TMEFF2: variants seen among roughly 807,000 people sequenced by gnomAD.
TMEFF2 encodes the protein tomoregulin-2.
TMEFF2 carries 28 observed loss-of-function variants against 53.8 expected under a neutral mutation model. That is an observed-to-expected ratio of 0.52 (90% confidence interval 0.39 to 0.71). TMEFF2 has a LOEUF of 0.71. Ranked by LOEUF, TMEFF2 falls within the 30% of genes least tolerant of loss-of-function variation. The pLI is 0.00. For missense variants in TMEFF2, 353 were observed against 455.2 expected (o/e 0.78, Z 2.04); for synonymous variants, 162 against 166.3 (o/e 0.97, Z 0.20).
intron 2 of TMEFF2, among the ~76,000 whole-genome samples, chr2:192,184,810 C>T (rs1387031151): frequency 2.6e-5 from 4 of 151,850 alleles, no homozygotes; most frequent in Non-Finnish European, 4.4e-5. Context: ...TAGTATGTAG[C>T]CCATATGACT....
intron 5 of TMEFF2, among the ~76,000 whole-genome samples, chr2:192,056,523 A>C (rs1193252135): frequency 1.3e-5 from 2 of 152,198 alleles, no homozygotes; most frequent in East Asian, 3.8e-4. Flanking sequence ...TCACTTTTCA[A>C]TGTGCTTAAG....
At chr2:192,006,502 G>T (rs1686505389) in intron 5 of TMEFF2, among the ~76,000 whole-genome samples, 1 of 152,162 alleles carries the variant, frequency 6.6e-6, no homozygotes, top group African/African-American at 2.4e-5. Context: ...GTGACTACAG[G>T]TTGGAACTTG....
intron 4 of TMEFF2, among the ~76,000 whole-genome samples, chr2:192,099,866 G>A (rs1283286140): frequency 1.0e-4 from 3 of 28,838 alleles, no homozygotes; most frequent in African/African-American, 2.4e-4. Flanking sequence ...AAATAGATCA[G>A]TGGAAAAAAT....
chr2:192,161,005 G>T (rs1342253280), intron 4 of TMEFF2, among the ~76,000 whole-genome samples: 1 of 151,986 alleles, frequency 6.6e-6, no homozygotes, highest in African/African-American at 2.4e-5. Context: ...CCATTTTATT[G>T]CTAGAGAATT....
intron 4 of TMEFF2, among the ~76,000 whole-genome samples, chr2:192,139,107 C>G (rs1400293986): frequency 6.6e-6 from 1 of 152,076 alleles, no homozygotes; most frequent in Non-Finnish European, 1.5e-5. Flanking sequence ...AAGGGAAGAA[C>G]ATATAACCAA....
At position 191,950,381 on chromosome 2, in the gene TMEFF2, T is replaced by C. The variant is rs1441764301; in HGVS notation, c.1055A>G (p.His352Arg). The change falls in exon 10 of 10, where the codon CAC becomes CGC. Residue 352 changes from histidine (H) to arginine (R), a missense_variant. Physicochemically the swap from His to Arg is conservative, Grantham distance 29. Around this residue, in one of 3 missense-constraint regions of TMEFF2, gnomAD observed 294 missense variants for 397.3 expected, o/e 0.74. Coordinates refer to ENST00000272771, the MANE Select transcript of TMEFF2 (RefSeq NM_016192.4). Reference sequence around the variant, plus strand: ...GTGCCCTGTATTTTGCTTCTGTCTGTGAATTCTGTTGCTTCTGGGGCATTT... The same window carrying C: ...GTGCCCTGTATTTTGCTTCTGTCTGCGAATTCTGTTGCTTCTGGGGCATTT... Reference protein sequence around the residue: ...TRKCPRSNRIHRQKQNTGHYS... With the variant: ...TRKCPRSNRIRRQKQNTGHYS... 11 of 1,614,066 alleles carry C rather than the reference T, an allele frequency of 6.8e-6. No individual in the cohort carries two copies. Among genetic ancestry groups the C allele is most frequent in the Non-Finnish European group, 9.3e-6 (11 of 1,179,950 alleles).
At chr2:191,985,950 C>T (rs1685965281) in intron 7 of TMEFF2, among the ~76,000 whole-genome samples, 1 of 152,170 alleles carries the variant, frequency 6.6e-6, no homozygotes, top group Non-Finnish European at 1.5e-5. Context: ...AAGAATGTGA[C>T]ACAGTGTATC....
At chr2:191,992,443 T>C (rs1325350928) in intron 7 of TMEFF2, among the ~76,000 whole-genome samples, 4 of 152,086 alleles carry the variant, frequency 2.6e-5, no homozygotes, top group Admixed American at 2.6e-4. Context: ...AAATATTAGG[T>C]AAATCAAGCA....
At chr2:192,121,646 G>C (rs893777006) in intron 4 of TMEFF2, among the ~76,000 whole-genome samples, 2 of 152,160 alleles carry the variant, frequency 1.3e-5, no homozygotes, top group Non-Finnish European at 2.9e-5. Context: ...TGGTAATACT[G>C]CTGGTTTTAG....
At chr2:192,187,665 T>C (rs1217532975) in intron 2 of TMEFF2, among the ~76,000 whole-genome samples, 1 of 152,192 alleles carries the variant, frequency 6.6e-6, no homozygotes, top group Non-Finnish European at 1.5e-5. Context: ...GTATGTGTTG[T>C]ACAAACTTCC....
At chr2:192,169,616 C>T (rs2356953) in intron 4 of TMEFF2, among the ~76,000 whole-genome samples, 3 of 152,084 alleles carry the variant, frequency 2.0e-5, no homozygotes, top group East Asian at 1.9e-4. Context: ...AAATATTTTA[C>T]GTAGGCAAGT....
intron 7 of TMEFF2, among the ~76,000 whole-genome samples, chr2:191,971,831 A>G (rs1389149538): frequency 1.3e-5 from 2 of 152,202 alleles, no homozygotes; most frequent in Non-Finnish European, 2.9e-5. Context: ...ATCAACATCT[A>G]AATTAGAAAT....
At chr2:191,982,607 A>G (rs1316247518) in intron 7 of TMEFF2, among the ~76,000 whole-genome samples, 1 of 152,166 alleles carries the variant, frequency 6.6e-6, no homozygotes, top group Non-Finnish European at 1.5e-5. Context: ...ACACCAGTGA[A>G]CAATTTGACT....
Position 192,108,696 on chromosome 2 carries a change from G to C in TMEFF2, c.440-50921C>G, listed in dbSNP as rs183269205. On this transcript the variant is annotated intron_variant, in intron 4 of 9. Coordinates refer to ENST00000272771, the MANE Select transcript of TMEFF2 (RefSeq NM_016192.4). The stretch of plus-strand genomic sequence containing the variant: ...TTTAGCCCAGCAATGACACTCCTTG[G>C]TGTATACTAAAAATAACTGAGAACA... Among the ~76,000 whole-genome samples, 14 of 152,052 alleles carry C rather than the reference G, an allele frequency of 9.2e-5. No individual in the cohort carries two copies. In the East Asian group the frequency reaches 2.5e-3, roughly 27 times the overall value.
At chr2:192,132,197 T>C (rs545711620) in intron 4 of TMEFF2, among the ~76,000 whole-genome samples, 32 of 152,082 alleles carry the variant, frequency 2.1e-4, no homozygotes, top group Middle Eastern at 3.4e-3. Context: ...ACACCTGGTC[T>C]GGCTTACAGT....
At chr2:192,176,003 C>G (rs980977038) in intron 4 of TMEFF2, among the ~76,000 whole-genome samples, 1 of 151,396 alleles carries the variant, frequency 6.6e-6, no homozygotes, top group Admixed American at 6.6e-5. Context: ...CACCCACACA[C>G]CTCTGAATTT....
At chr2:192,009,142 T>C (rs566177614) in intron 5 of TMEFF2, among the ~76,000 whole-genome samples, 9 of 152,344 alleles carry the variant, frequency 5.9e-5, no homozygotes, top group African/African-American at 2.2e-4. Flanking sequence ...CCTGGTGATA[T>C]GGCACATCTC....
chr2:191,998,294 T>G lies in TMEFF2; in HGVS notation c.713A>C (p.Glu238Ala). The change falls in exon 7 of 10, where the codon GAA becomes GCA. Residue 238 changes from glutamate to alanine, a missense_variant. Coordinates refer to ENST00000272771, the MANE Select transcript of TMEFF2 (RefSeq NM_016192.4). ...QDNTTTTTKS[E>A]DGHYARTDYA... ...ATCTGTTCTTGCATAATGCCCATCT[T>G]CAGACTTAGTAGTTGTAGTTGTGTT... 1 of 1,600,470 alleles carries G rather than the reference T, an allele frequency of 6.2e-7. No individual in the cohort carries two copies. The highest frequency in any genetic ancestry group is 8.5e-7 in the Non-Finnish European group (1 of 1,174,092).
At chr2:191,979,135 T>A (rs151278937) in intron 7 of TMEFF2, among the ~76,000 whole-genome samples, 1 of 152,214 alleles carries the variant, frequency 6.6e-6, no homozygotes, top group Non-Finnish European at 1.5e-5. Context: ...ATATGGGCAA[T>A]GAAACAAATA....
Sources: gnomAD v4.1 joint callset for allele counts (sites outside exome capture counted in the v4.1 genomes callset) on GRCh38, gnomAD v4.1.1 for gene constraint, gnomAD v4.1.1 regional missense constraint, MANE v1.5 for transcripts, NCBI Gene and HGNC (gene_info 2026-07-23, HGNC 2026-07-21) for gene names.